ADORA2B: variants seen among roughly 807,000 people sequenced by gnomAD.
ADORA2B encodes adenosine A2b receptor.
ADORA2B carries 18 observed loss-of-function variants against 20.8 expected under a neutral mutation model. That is an observed-to-expected ratio of 0.87 (90% CI 0.60 to 1.29). The LOEUF is 1.29. Among genes scored for constraint, ADORA2B ranks in the 50% most tolerant of loss-of-function variants. The pLI is 0.00. For synonymous variants in ADORA2B, 179 were observed against 178.3 expected (o/e 1.00, Z -0.03); for missense variants, 441 against 422.7 (o/e 1.04, Z -0.38).
chr17:15,919,117 A>C, the ADORA2B span, among the ~76,000 whole-genome samples: 6 of 152,204 alleles, frequency 3.9e-5, no homozygotes, highest in African/African-American at 7.2e-5. Context: ...CTCCAGATGC[A>C]GTGTGACCTC....
intron 1 of ADORA2B, among the ~76,000 whole-genome samples, chr17:15,951,360 A>G (rs1221731408): frequency 1.3e-5 from 2 of 152,180 alleles, no homozygotes; most frequent in Non-Finnish European, 2.9e-5. Flanking sequence ...GACGTGGCCC[A>G]TGGGCCCTGG....
chr17:15,883,719 T>G, the ADORA2B span, among the ~76,000 whole-genome samples: 1 of 152,190 alleles, frequency 6.6e-6, no homozygotes, highest in African/African-American at 2.4e-5. Context: ...AAGAACCTCT[T>G]TGAGGGCAAT....
chr17:15,912,296 C>T, the ADORA2B span, among the ~76,000 whole-genome samples: 1,443 of 151,282 alleles, frequency 9.5e-3, 31 homozygotes, highest in African/African-American at 0.033. Flanking sequence ...GGGAGGATTG[C>T]TGGAACCCAG....
chr17:15,932,160 C>G, the ADORA2B span, among the ~76,000 whole-genome samples: 2 of 152,112 alleles, frequency 1.3e-5, no homozygotes, highest in Non-Finnish European at 2.9e-5. Flanking sequence ...TTCAGTGTAT[C>G]TAATTTTTTA....
the ADORA2B span, among the ~76,000 whole-genome samples, chr17:15,935,739 TTTTTC>T: frequency 2.0e-5 from 3 of 152,138 alleles, no homozygotes; most frequent in Non-Finnish European, 4.4e-5. Flanking sequence ...TCTTTTATCT[TTTTTC>T]TTTCTGTTCC....
At chr17:15,903,837 A>G in the ADORA2B span, among the ~76,000 whole-genome samples, 1 of 152,266 alleles carries the variant, frequency 6.6e-6, no homozygotes, top group African/African-American at 2.4e-5. Context: ...TAGCCACTCT[A>G]ATATGTGTAG....
chr17:15,898,480 A>T, the ADORA2B span, among the ~76,000 whole-genome samples: 1 of 134,514 alleles, frequency 7.4e-6, no homozygotes, highest in Non-Finnish European at 1.5e-5. Flanking sequence ...TTTGAGACAG[A>T]GTCTCAAAAT....
At chr17:15,879,216 C>G in the ADORA2B span, among the ~76,000 whole-genome samples, 1 of 152,000 alleles carries the variant, frequency 6.6e-6, no homozygotes, top group Non-Finnish European at 1.5e-5. Context: ...TTTAGGAGGC[C>G]AAGGTGGGAG....
chr17:15,892,257 C>T, the ADORA2B span, among the ~76,000 whole-genome samples: 409 of 152,118 alleles, frequency 2.7e-3, no homozygotes, highest in Admixed American at 4.3e-3. Context: ...CAACCTCTGC[C>T]TCCCAGGGTC....
At chr17:15,933,737 C>G in the ADORA2B span, among the ~76,000 whole-genome samples, 1 of 151,850 alleles carries the variant, frequency 6.6e-6, no homozygotes, top group African/African-American at 2.4e-5. Context: ...TTTCTATATA[C>G]AAGATTATGG....
rs73274397 is a variant in ADORA2B, at chr17:15,946,410, G to T, written c.335+827G>T. 9.9e-3 allele frequency among the ~76,000 whole-genome samples: 1,508 copies of T among 152,334 alleles called. 25 individuals carry two copies. The highest frequency in any genetic ancestry group is 0.035 in the African/African-American group (1,445 of 41,568). Reference sequence around the variant, plus strand: ...GATTCAGGGGATGGAGTCAGCCAGCGACCAGAGTGGATTCCCAGTTGGAGC... The same window carrying T: ...GATTCAGGGGATGGAGTCAGCCAGCTACCAGAGTGGATTCCCAGTTGGAGC... On this transcript the variant is annotated intron_variant, in intron 1 of 1. Coordinates refer to ENST00000304222, the MANE Select transcript of ADORA2B (RefSeq NM_000676.4).
chr17:15,972,479 G>A (rs1970201095), intron 1 of ADORA2B, among the ~76,000 whole-genome samples: 1 of 152,172 alleles, frequency 6.6e-6, no homozygotes, highest in African/African-American at 2.4e-5. Context: ...AACAAAATGT[G>A]TACCTTTGCT....
chr17:15,973,608 C>A (rs1970212846), intron 1 of ADORA2B, among the ~76,000 whole-genome samples: 1 of 152,214 alleles, frequency 6.6e-6, no homozygotes. Context: ...GGAGCTAACC[C>A]TATTGTGAAC....
At chr17:15,934,467 G>A in the ADORA2B span, among the ~76,000 whole-genome samples, 66 of 151,950 alleles carry the variant, frequency 4.3e-4, no homozygotes, top group Non-Finnish European at 5.1e-4. Context: ...CTTGTGATCT[G>A]CCCACCTTGG....
At chr17:15,931,269 G>A in the ADORA2B span, among the ~76,000 whole-genome samples, 1 of 152,194 alleles carries the variant, frequency 6.6e-6, no homozygotes, top group Non-Finnish European at 1.5e-5. Context: ...GCGCTTCAAT[G>A]CTGGCCTCTA....
chr17:15,915,837 C>T, the ADORA2B span, among the ~76,000 whole-genome samples: 1 of 152,180 alleles, frequency 6.6e-6, no homozygotes, highest in South Asian at 2.1e-4. Flanking sequence ...TGATTTAGTT[C>T]ACCAACCCAA....
chr17:15,928,490 G>A, the ADORA2B span, among the ~76,000 whole-genome samples: 1,325 of 152,204 alleles, frequency 8.7e-3, 20 homozygotes, highest in African/African-American at 0.03. Flanking sequence ...CGGCTGAGGC[G>A]TGTCGTTGCT....
intron 1 of ADORA2B, among the ~76,000 whole-genome samples, chr17:15,954,910 C>T (rs1168401887): frequency 6.6e-6 from 1 of 152,210 alleles, no homozygotes; most frequent in African/African-American, 2.4e-5. Context: ...TTACTTGTAA[C>T]TTGTATCTCT....
At chr17:15,946,651 T>G (rs1321840514) in intron 1 of ADORA2B, among the ~76,000 whole-genome samples, 1 of 152,176 alleles carries the variant, frequency 6.6e-6, no homozygotes, top group African/African-American at 2.4e-5. Context: ...CCAGCAGTCC[T>G]TGCAGTAGTA....
Sources: allele counts gnomAD v4.1 joint callset (sites outside exome capture counted in the v4.1 genomes callset), GRCh38; gene constraint gnomAD v4.1.1; transcripts MANE v1.5; gene names NCBI Gene and HGNC (gene_info 2026-07-23, HGNC 2026-07-21).